GPBP1L1: variants seen among roughly 807,000 people sequenced by gnomAD.
GPBP1L1 encodes the protein vasculin-like protein 1.
GPBP1L1 carries 23 observed loss-of-function variants against 52.5 expected under a neutral mutation model. That is an observed-to-expected ratio of 0.44 (90% CI 0.32 to 0.62). The LOEUF (loss-of-function observed/expected upper bound fraction) is 0.62. Ranked by LOEUF, GPBP1L1 falls within the 20% of genes least tolerant of loss-of-function variation. The pLI is 0.06. For missense variants in GPBP1L1, 596 were observed against 579.3 expected (o/e 1.03, Z -0.30); for synonymous variants, 243 against 203.1 (o/e 1.20, Z -1.67).
Position 45,629,838 on chromosome 1 carries a change from C to A in GPBP1L1, c.1170-160G>T, listed in dbSNP as rs1445827463. The A allele has an allele frequency of 5.0e-6, 3 of 596,594 alleles. No homozygotes were observed. The East Asian group carries it at 8.4e-5, about 17-fold the overall frequency. The allele number at this position is 596,594 out of a possible 1,614,324, so 37.0% of individuals were successfully genotyped here. ...TGGGACAAGCTTTAATTGTGGCTAC[C>A]TGGGTGCTGTAAATAAATGGAGGCT... On this transcript the variant is annotated intron_variant, in intron 11 of 12. Transcript: ENST00000355105.
At chr1:45,664,435 G>C (rs1313770598) in intron 2 of GPBP1L1, among the ~76,000 whole-genome samples, 1 of 147,966 alleles carries the variant, frequency 6.8e-6, no homozygotes, top group Non-Finnish European at 1.5e-5. Context: ...GCGTGGTGGT[G>C]GGCGCATGTA....
chr1:45,643,266 G>C (rs1344476669), intron 6 of GPBP1L1, among the ~76,000 whole-genome samples: 2 of 152,198 alleles, frequency 1.3e-5, no homozygotes, highest in East Asian at 3.8e-4. Context: ...AGTAGTGCTA[G>C]GGAAGGAGGG....
chr1:45,635,624 C>T (rs1644584096), intron 8 of GPBP1L1: 1 of 152,174 alleles, frequency 6.6e-6, no homozygotes, highest in Non-Finnish European at 1.5e-5. Context: ...CATTATGCCC[C>T]ACACCTGTTT....
intron 10 of GPBP1L1, 21 bp downstream of exon 10, chr1:45,633,468 A>G: frequency 1.2e-6 from 2 of 1,610,206 alleles, no homozygotes; most frequent in Non-Finnish European, 1.7e-6. Flanking sequence ...GGCTACCCCC[A>G]GAAAAGGCGG....
intron 2 of GPBP1L1, among the ~76,000 whole-genome samples, chr1:45,669,078 T>C (rs1645043881): frequency 6.6e-6 from 1 of 152,246 alleles, no homozygotes; most frequent in African/African-American, 2.4e-5. Flanking sequence ...AACCATGAAA[T>C]AGTTTCCATT....
intron 2 of GPBP1L1, among the ~76,000 whole-genome samples, chr1:45,681,447 G>A (rs981986691): frequency 6.6e-6 from 1 of 152,122 alleles, no homozygotes; most frequent in East Asian, 1.9e-4. Flanking sequence ...TGCAAATTAA[G>A]GCATTTAAAA....
At chr1:45,645,919 T>TG in intron 6 of GPBP1L1, 1 of 496,178 alleles carries the variant, frequency 2.0e-6, no homozygotes, top group Non-Finnish European at 3.9e-6. Flanking sequence ...GTCAAATGGT[T>TG]GGGATAGAAG....
chr1:45,655,332 A>C lies in GPBP1L1; in HGVS notation c.61-13T>G. On this transcript the variant is annotated splice_polypyrimidine_tract_variant and intron_variant, in intron 4 of 12. Transcript: ENST00000355105. ...TGGCAGTAGGTGACTAAGATGATGAAGTATGGAGAGGCAAATGGATAAATA... is the reference window on the plus strand; with the variant it reads ...TGGCAGTAGGTGACTAAGATGATGACGTATGGAGAGGCAAATGGATAAATA... 1 of 1,613,738 alleles carries C rather than the reference A, an allele frequency of 6.2e-7. No homozygotes were observed. Among genetic ancestry groups the C allele is most frequent in the Non-Finnish European group, 8.5e-7 (1 of 1,179,708 alleles).
chr1:45,656,603 A>T (rs1415900252), intron 4 of GPBP1L1, among the ~76,000 whole-genome samples: 1 of 151,858 alleles, frequency 6.6e-6, no homozygotes. Context: ...AAAACACAAC[A>T]CTATCACTTC....
intron 6 of GPBP1L1, among the ~76,000 whole-genome samples, chr1:45,652,642 A>T (rs1357301544): frequency 1.3e-5 from 2 of 152,184 alleles, no homozygotes; most frequent in Non-Finnish European, 1.5e-5. Flanking sequence ...TGTTAAAATC[A>T]TTATGGGTTT....
intron 8 of GPBP1L1, among the ~76,000 whole-genome samples, chr1:45,638,300 C>T (rs557719416): frequency 5.9e-5 from 9 of 152,306 alleles, no homozygotes; most frequent in Admixed American, 3.3e-4. Flanking sequence ...GTTCCTTTTA[C>T]TGTCAAGGTT....
intron 9 of GPBP1L1, 130 bp from the exon 10 acceptor site, chr1:45,633,777 T>C: frequency 2.0e-6 from 2 of 1,012,664 alleles, no homozygotes; most frequent in South Asian, 3.4e-5. Context: ...ACAATCCTTT[T>C]ATTTAAGCAG....
At chr1:45,677,704 C>A (rs1482035507) in intron 2 of GPBP1L1, among the ~76,000 whole-genome samples, 1 of 152,156 alleles carries the variant, frequency 6.6e-6, no homozygotes, top group Non-Finnish European at 1.5e-5. Flanking sequence ...TGAGAGAAAT[C>A]ATGTGAAGTG....
At chr1:45,681,508 CA>C in intron 2 of GPBP1L1, among the ~76,000 whole-genome samples, 1 of 152,114 alleles carries the variant, frequency 6.6e-6, no homozygotes, top group Non-Finnish European at 1.5e-5. Flanking sequence ...AAATAAATTA[CA>C]AAGGTCAACA....
chr1:45,638,241 GACTTCCTCATCCATTC>G (rs1157018874), intron 8 of GPBP1L1, among the ~76,000 whole-genome samples: 1 of 152,130 alleles, frequency 6.6e-6, no homozygotes, highest in African/African-American at 2.4e-5. Context: ...TCTTCCAACA[GACTTCCTCATCCATTC>G]ACTTATCTTT....
At chr1:45,679,600 G>A (rs1292990573) in intron 2 of GPBP1L1, among the ~76,000 whole-genome samples, 1 of 152,056 alleles carries the variant, frequency 6.6e-6, no homozygotes, top group Non-Finnish European at 1.5e-5. Context: ...ATACTGGAAG[G>A]GGGCTAAAAT....
In GPBP1L1 at chr1:45,661,237, A is replaced by G. The variant is rs1007697484; in HGVS notation, c.-1097-12T>C. On this transcript the variant is annotated splice_polypyrimidine_tract_variant and intron_variant, in intron 2 of 12. Coordinates refer to ENST00000355105, the MANE Select transcript of GPBP1L1 (RefSeq NM_021639.5). Reference sequence around the variant, plus strand: ...ACGAATCTATCACTCTGTAAATGAAAAAACAAAACATAAAATCACAGAAGG... The same window carrying G: ...ACGAATCTATCACTCTGTAAATGAAGAAACAAAACATAAAATCACAGAAGG... 2 of 152,222 alleles carry G rather than the reference A, an allele frequency of 1.3e-5. No individual in the cohort carries two copies. The highest frequency in any genetic ancestry group is 4.8e-5 in the African/African-American group (2 of 41,448). The allele number at this position is 152,222 out of a possible 1,614,324, so 9.4% of individuals were successfully genotyped here.
intron 8 of GPBP1L1, among the ~76,000 whole-genome samples, chr1:45,639,705 G>C (rs934496240): frequency 6.6e-6 from 1 of 151,674 alleles, no homozygotes; most frequent in Non-Finnish European, 1.5e-5. Flanking sequence ...GTGAAACCCC[G>C]TCTCTACTAA....
At chr1:45,629,201 A>C (rs1362497017) in intron 12 of GPBP1L1, among the ~76,000 whole-genome samples, 1 of 152,212 alleles carries the variant, frequency 6.6e-6, no homozygotes, top group Non-Finnish European at 1.5e-5. Context: ...AGCTCTGGCC[A>C]GAGGACCAGG....
Sources: allele counts gnomAD v4.1 joint callset (sites outside exome capture counted in the v4.1 genomes callset), GRCh38; gene constraint gnomAD v4.1.1; transcripts MANE v1.5; gene names NCBI Gene and HGNC (gene_info 2026-07-23, HGNC 2026-07-21).